ACSS3: variants seen among roughly 807,000 people sequenced by gnomAD.
The protein encoded by ACSS3 is acyl-CoA synthetase short-chain family member 3, mitochondrial.
In ACSS3, 64 loss-of-function variants were observed where a neutral mutation model predicts 84.2. That is an observed-to-expected ratio of 0.76 (90% confidence interval 0.62 to 0.94). The LOEUF is 0.94. Among genes scored for constraint, ACSS3 ranks in the 40% least tolerant of loss-of-function variants. ACSS3 has a pLI of 0.00. For missense variants in ACSS3, 815 were observed against 867.6 expected (o/e 0.94, Z 0.76); for synonymous variants, 317 against 310.1 (o/e 1.02, Z -0.23).
chr12:81,142,880 A>G (rs1381745878), intron 4 of ACSS3, among the ~76,000 whole-genome samples: 1 of 152,216 alleles, frequency 6.6e-6, no homozygotes, highest in East Asian at 1.9e-4. Context: ...TAAATGAAAC[A>G]TGCTTTTTTG....
chr12:81,088,360 T>TG (rs914972886), intron 1 of ACSS3, among the ~76,000 whole-genome samples: 5 of 152,072 alleles, frequency 3.3e-5, no homozygotes, highest in Admixed American at 3.3e-4. Flanking sequence ...CCTTACTGAT[T>TG]GAGGGGTAAA....
chr12:81,175,539 C>T (rs534195971), intron 8 of ACSS3, among the ~76,000 whole-genome samples: 1 of 152,204 alleles, frequency 6.6e-6, no homozygotes, highest in African/African-American at 2.4e-5. Flanking sequence ...AACACTCCAC[C>T]CAACAACAAC....
chr12:81,143,374 T>C, intron 5 of ACSS3, 127 bp downstream of exon 5: 1 of 1,085,364 alleles, frequency 9.2e-7, no homozygotes, highest in South Asian at 2.5e-5. Flanking sequence ...CATTTGCTTT[T>C]ATTTTTTTTT....
At chr12:81,253,199 C>A (rs926103658) in intron 13 of ACSS3, 108 bp from the exon 14 acceptor site, 15 of 1,221,368 alleles carry the variant, frequency 1.2e-5, no homozygotes, top group South Asian at 2.9e-5. Context: ...TTTTCCCCAA[C>A]TGAAATTATA....
intron 1 of ACSS3, among the ~76,000 whole-genome samples, chr12:81,089,868 T>C (rs6539556): frequency 0.06 from 9,055 of 152,018 alleles, 673 homozygotes; most frequent in African/African-American, 0.18. Flanking sequence ...ATTTTTATAA[T>C]ACTGTAAACA....
intron 2 of ACSS3, chr12:81,118,062 G>T (rs1884199404): frequency 6.6e-6 from 1 of 152,102 alleles, no homozygotes; most frequent in Non-Finnish European, 1.5e-5. Context: ...TCTGGGAAAA[G>T]AAGATTATCT....
rs1035800390 is a variant in ACSS3, at chr12:81,226,253, C to T, written c.1515-4804C>T. ...ACTAGGTCATTATTAAAACTGTATT[C>T]TAGTGGCTTCTTAGATACTACTTTC... is the stretch of plus-strand genomic sequence containing the variant. On this transcript the variant is annotated intron_variant, in intron 11 of 15. Coordinates refer to ENST00000548058, the MANE Select transcript of ACSS3 (RefSeq NM_024560.4). Among the ~76,000 whole-genome samples the T allele has an allele frequency of 2.0e-5, 3 of 152,018 alleles. No homozygotes were observed. In the East Asian group the frequency reaches 5.8e-4, roughly 29 times the overall value.
In ACSS3 at chr12:81,258,469, G is replaced by A. The variant is rs372827943; in HGVS notation, c.*3547G>A. 2.0e-5 allele frequency: 3 copies of A among 151,918 alleles called. No individual in the cohort carries two copies. Among genetic ancestry groups the A allele is most frequent in the African/African-American group, 7.3e-5 (3 of 41,366 alleles). The allele number at this position is 151,918 out of a possible 1,614,324, so 9.4% of individuals were successfully genotyped here. A position where few individuals can be genotyped will look rare whatever the true frequency, so the allele number is the denominator to read the frequency against. ...GCAGAAAATCAGCAGTTAGATAAAT[G>A]GTATTATTAAATAGGCTTTACTTTG... On this transcript the variant is annotated 3_prime_UTR_variant, in exon 16 of 16. Transcript: ENST00000548058.
chr12:81,173,141 A>C (rs1565703615), intron 7 of ACSS3, among the ~76,000 whole-genome samples: 1 of 152,240 alleles, frequency 6.6e-6, no homozygotes, highest in African/African-American at 2.4e-5. Flanking sequence ...GAGACATATC[A>C]AAAAAGTAAA....
chr12:81,078,136 C>G lies in ACSS3; in HGVS notation c.16C>G (p.Leu6Val). The G allele has an allele frequency of 6.7e-7, 1 of 1,492,900 alleles. No individual in the cohort carries two copies. Among genetic ancestry groups the G allele is most frequent in the Non-Finnish European group, 8.9e-7 (1 of 1,124,764 alleles). 92.5% of individuals were successfully genotyped at this position (1,492,900 alleles called of 1,614,324 possible). Residue 6 changes from leucine to valine, a missense_variant, in exon 1 of 16, where the codon CTG becomes GTG. Leu to Val is a conservative substitution (Grantham distance 32, BLOSUM62 1). Coordinates refer to ENST00000548058, the MANE Select transcript of ACSS3 (RefSeq NM_024560.4). The stretch of plus-strand genomic sequence containing the variant: ...GCCGGAGGAGATGAAACCGTCTTGG[C>G]TGCAGTGTCGTAAAGTCACCAGCGC... MKPSW[L>V]QCRKVTSAGG...
At chr12:81,179,902 G>A (rs916388084) in intron 8 of ACSS3, among the ~76,000 whole-genome samples, 19 of 152,168 alleles carry the variant, frequency 1.2e-4, no homozygotes, top group African/African-American at 4.3e-4. Context: ...GGTTTTGCAG[G>A]CTGTAAAGGA....
At chr12:81,245,265 T>A (rs1490594583) in intron 13 of ACSS3, among the ~76,000 whole-genome samples, 1 of 152,054 alleles carries the variant, frequency 6.6e-6, no homozygotes, top group Non-Finnish European at 1.5e-5. Context: ...ATCGAGACCA[T>A]CCTGGCTAAC....
intron 1 of ACSS3, among the ~76,000 whole-genome samples, chr12:81,082,681 T>C (rs1881062046): frequency 6.6e-6 from 1 of 152,220 alleles, no homozygotes; most frequent in Non-Finnish European, 1.5e-5. Flanking sequence ...TTAAATTTTT[T>C]CCTGGCATAT....
At position 81,253,542 on chromosome 12, in the gene ACSS3, G is replaced by A. The variant is rs745644861; in HGVS notation, c.1867G>A (p.Val623Ile). The change falls in exon 15 of 16, where the codon GTT (valine) becomes ATT (isoleucine). Residue 623 changes from valine (V) to isoleucine (I), a missense_variant. Coordinates refer to ENST00000548058, the MANE Select transcript of ACSS3 (RefSeq NM_024560.4). ...AGTTTTGGAAGAAATTGTGAAACAC[G>A]TTAGACAGAACATTGGCCCTGTGGC... ...EQVLEEIVKH[V>I]RQNIGPVAAF... The A allele has an allele frequency of 5.0e-6, 8 of 1,613,938 alleles. No homozygotes were observed. Among genetic ancestry groups the A allele is most frequent in the Admixed American group, 3.3e-5 (2 of 59,964 alleles).
intron 1 of ACSS3, among the ~76,000 whole-genome samples, chr12:81,091,600 G>A (rs572658598): frequency 6.6e-6 from 1 of 151,578 alleles, no homozygotes; most frequent in Non-Finnish European, 1.5e-5. Context: ...TCTTACCTTG[G>A]TTTACTTAAT....
chr12:81,246,275 C>T (rs1455769804), intron 13 of ACSS3, among the ~76,000 whole-genome samples: 1 of 152,146 alleles, frequency 6.6e-6, no homozygotes, highest in Non-Finnish European at 1.5e-5. Context: ...AACAAATTTT[C>T]TGCAGCTCTG....
At chr12:81,195,614 T>C (rs2031790842) in intron 8 of ACSS3, among the ~76,000 whole-genome samples, 1 of 152,068 alleles carries the variant, frequency 6.6e-6, no homozygotes, top group Non-Finnish European at 1.5e-5. Flanking sequence ...TCCTAGTCTC[T>C]GTCTCTTATT....
intron 9 of ACSS3, among the ~76,000 whole-genome samples, chr12:81,200,839 A>T (rs966421645): frequency 3.3e-5 from 5 of 150,502 alleles, no homozygotes; most frequent in African/African-American, 7.4e-5. Flanking sequence ...GGTTGCGGTG[A>T]GCCAAGATCC....
intron 2 of ACSS3, among the ~76,000 whole-genome samples, chr12:81,132,186 A>T (rs140319807): frequency 0.019 from 2,894 of 152,268 alleles, 51 homozygotes; most frequent in South Asian, 0.03. Context: ...TGATTGGAAT[A>T]GTTTCAGAAG....
Sources: allele counts gnomAD v4.1 joint callset (sites outside exome capture counted in the v4.1 genomes callset), GRCh38; gene constraint gnomAD v4.1.1; transcripts MANE v1.5; gene names NCBI Gene and HGNC (gene_info 2026-07-23, HGNC 2026-07-21).